Variants in ADAM22 observed in about 807,000 individuals in gnomAD.
ADAM22 encodes the protein ADAM metallopeptidase domain 22.
A neutral mutation model predicts 144.6 loss-of-function variants in ADAM22; 65 were observed. That is an observed-to-expected ratio of 0.45 (90% CI 0.37 to 0.55). The LOEUF is 0.55. ADAM22 is among the 20% of genes least tolerant of loss of function. The pLI is 0.00. For synonymous variants in ADAM22, 391 were observed against 412.6 expected (o/e 0.95, Z 0.63); for missense variants, 974 against 1,184.9 (o/e 0.82, Z 2.61).
At position 88,142,635 on chromosome 7, in the gene ADAM22, G is replaced by T. The variant is rs545484718; in HGVS notation, c.1221-391G>T. ...GGGCGGATCACAAAGTCAGGAGATC[G>T]AGACCATCCTGGCTAACACGATGAA... On this transcript the variant is annotated intron_variant, in intron 14 of 31. Coordinates refer to ENST00000413139, the MANE Select transcript of ADAM22 (RefSeq NM_001324418.2). Among the ~76,000 whole-genome samples, 9 of 152,146 alleles carry T rather than the reference G, an allele frequency of 5.9e-5. No homozygotes were observed. In the South Asian group the frequency reaches 1.0e-3, roughly 18 times the overall value.
intron 5 of ADAM22, among the ~76,000 whole-genome samples, chr7:88,111,836 A>G (rs943172321): frequency 5.3e-5 from 8 of 152,220 alleles, no homozygotes; most frequent in African/African-American, 7.2e-5. Flanking sequence ...GCATATTATC[A>G]TATAGCAATC....
chr7:88,123,717 T>C (rs1829818971), intron 7 of ADAM22, among the ~76,000 whole-genome samples: 1 of 151,860 alleles, frequency 6.6e-6, no homozygotes, highest in Admixed American at 6.6e-5. Context: ...CTTTTTTTTT[T>C]CTTTTCTAAC....
chr7:88,000,757 G>A (rs939351086), intron 3 of ADAM22, among the ~76,000 whole-genome samples: 2 of 152,070 alleles, frequency 1.3e-5, no homozygotes, highest in Non-Finnish European at 2.9e-5. Context: ...CTGATGATGA[G>A]AATATGAATA....
At chr7:87,956,464 C>T (rs1846781687) in intron 2 of ADAM22, among the ~76,000 whole-genome samples, 1 of 152,200 alleles carries the variant, frequency 6.6e-6, no homozygotes, top group Non-Finnish European at 1.5e-5. Context: ...ATATAATTCA[C>T]ACAGTATAGA....
At chr7:88,043,237 A>G (rs915386146) in intron 3 of ADAM22, among the ~76,000 whole-genome samples, 4 of 151,848 alleles carry the variant, frequency 2.6e-5, no homozygotes, top group African/African-American at 9.7e-5. Flanking sequence ...AGAATATTCT[A>G]TACTTTGGGA....
At chr7:88,024,575 A>T (rs958873593) in intron 3 of ADAM22, among the ~76,000 whole-genome samples, 2 of 151,990 alleles carry the variant, frequency 1.3e-5, no homozygotes, top group African/African-American at 2.4e-5. Flanking sequence ...TTATACTTTA[A>T]GTTTTAGGGT....
In ADAM22 at chr7:88,196,853, T is replaced by TGTATCTGTTC. The variant is rs1380679834; in HGVS notation, c.*362_*363insGTATCTGTTC. 4.0e-6 allele frequency: 1 copy of TGTATCTGTTC among 250,546 alleles called. No individual in the cohort carries two copies. The highest frequency in any genetic ancestry group is 2.2e-5 in the African/African-American group (1 of 45,832). The allele number at this position is 250,546 out of a possible 1,614,324, so 15.5% of individuals were successfully genotyped here. A position where few individuals can be genotyped will look rare whatever the true frequency, so the allele number is the denominator to read the frequency against. ...TAAGGTACAATAGTGGATTCAGAAC[T>TGTATCTGTTC]TGACGTTCTGAGGCACATCCTCACT... On this transcript the variant is annotated 3_prime_UTR_variant, in exon 32 of 32. Transcript: ENST00000413139.
intron 4 of ADAM22, among the ~76,000 whole-genome samples, chr7:88,102,110 A>G (rs923834401): frequency 2.0e-5 from 3 of 152,224 alleles, no homozygotes; most frequent in African/African-American, 4.8e-5. Flanking sequence ...GAACTATCAC[A>G]TAATTCACTA....
intron 2 of ADAM22, among the ~76,000 whole-genome samples, chr7:87,953,900 C>A (rs1449546494): frequency 1.3e-5 from 2 of 152,232 alleles, no homozygotes; most frequent in East Asian, 1.9e-4. Context: ...TATGTAATGG[C>A]CTTCTTTGTC....
At chr7:88,144,101 A>G (rs1835609760) in intron 15 of ADAM22, among the ~76,000 whole-genome samples, 1 of 152,210 alleles carries the variant, frequency 6.6e-6, no homozygotes, top group Admixed American at 6.5e-5. Flanking sequence ...AAGTTGACTC[A>G]TTTGTAGAAG....
At chr7:88,125,265 A>G (rs935620160) in intron 7 of ADAM22, among the ~76,000 whole-genome samples, 4 of 151,970 alleles carry the variant, frequency 2.6e-5, no homozygotes, top group Non-Finnish European at 5.9e-5. Context: ...TGCTGCCTCT[A>G]GAAGGTTAGT....
intron 4 of ADAM22, among the ~76,000 whole-genome samples, chr7:88,090,566 A>G (rs1156555001): frequency 6.6e-6 from 1 of 152,188 alleles, no homozygotes; most frequent in African/African-American, 2.4e-5. Context: ...ATGAATATTT[A>G]GTTGTTAGCT....
chr7:88,153,179 A>G, intron 20 of ADAM22, 42 bp from the exon 21 acceptor site: 1 of 1,444,402 alleles, frequency 6.9e-7, no homozygotes, highest in Non-Finnish European at 9.6e-7. Context: ...GAGCAGCCAA[A>G]TCGTACTTCC....
Position 88,184,395 on chromosome 7 carries a change from G to A in ADAM22, c.2664-2220G>A, listed in dbSNP as rs1036730876. ...TGACAGCCCCCAGACAGGGAGTCTG[G>A]ATCACAGGTCAGTCTCCACCTGCCC... On this transcript the variant is annotated intron_variant, in intron 29 of 31. Coordinates refer to ENST00000413139, the MANE Select transcript of ADAM22 (RefSeq NM_001324418.2). The A allele has an allele frequency of 1.2e-5, 5 of 428,080 alleles. No homozygotes were observed. In the Admixed American group the frequency reaches 1.3e-4, roughly 11 times the overall value. 26.5% of individuals were successfully genotyped at this position (428,080 alleles called of 1,614,324 possible).
intron 4 of ADAM22, among the ~76,000 whole-genome samples, chr7:88,088,376 A>G (rs1011494758): frequency 3.3e-5 from 5 of 152,118 alleles, no homozygotes; most frequent in Non-Finnish European, 7.4e-5. Context: ...CTATGCTGCT[A>G]GCAGAGTCTC....
At chr7:88,084,264 C>G (rs16885885) in intron 4 of ADAM22, among the ~76,000 whole-genome samples, 21,820 of 152,136 alleles carry the variant, frequency 0.14, 2,449 homozygotes, top group African/African-American at 0.3. Flanking sequence ...GAAGCGCTGA[C>G]TTTGCTGCAC....
intron 7 of ADAM22, among the ~76,000 whole-genome samples, chr7:88,124,181 T>G (rs1453909411): frequency 6.6e-6 from 1 of 151,984 alleles, no homozygotes; most frequent in Non-Finnish European, 1.5e-5. Flanking sequence ...GTTTACTTTT[T>G]TTTTCTTTCA....
chr7:88,164,964 A>G (rs190294197), intron 23 of ADAM22, among the ~76,000 whole-genome samples: 72 of 152,108 alleles, frequency 4.7e-4, no homozygotes, highest in Non-Finnish European at 3.7e-4. Flanking sequence ...CGTTCTGCCT[A>G]TTTGTTAATC....
At chr7:88,176,252 G>T (rs1845639687) in intron 26 of ADAM22, among the ~76,000 whole-genome samples, 2 of 152,150 alleles carry the variant, frequency 1.3e-5, no homozygotes, top group African/African-American at 4.8e-5. Context: ...ATTCTTAAGA[G>T]ATCTTTAACG....
Sources: gnomAD v4.1 joint callset for allele counts (sites outside exome capture counted in the v4.1 genomes callset) on GRCh38, gnomAD v4.1.1 for gene constraint, MANE v1.5 for transcripts, NCBI Gene and HGNC (gene_info 2026-07-23, HGNC 2026-07-21) for gene names.